The following ASB13 variants were observed in gnomAD, a reference collection of about 807,000 sequenced individuals.
ASB13 encodes ankyrin repeat and SOCS box containing 13.
A neutral mutation model predicts 28.8 loss-of-function variants in ASB13; 33 were observed. The observed-to-expected ratio is 1.15, with a 90% CI of 0.87 to 1.53. ASB13 has a LOEUF of 1.53. ASB13 is among the 40% of genes most tolerant of loss of function. The probability of loss-of-function intolerance (pLI) is 0.00; values close to 1 mark genes in which losing one functional copy is unlikely to be tolerated. For synonymous variants in ASB13, 182 were observed against 172.9 expected (o/e 1.05, Z -0.41); for missense variants, 414 against 390.1 (o/e 1.06, Z -0.52).
At position 5,660,994 on chromosome 10, in the gene ASB13, T is replaced by C. The variant is rs748201065; in HGVS notation, c.43+5515A>G. 1.3e-5 allele frequency among the ~76,000 whole-genome samples: 2 copies of C among 152,240 alleles called. No individual in the cohort carries two copies. The highest frequency in any genetic ancestry group is 2.9e-5 in the Non-Finnish European group (2 of 68,036). On this transcript the variant is annotated intron_variant, in intron 1 of 5. Coordinates refer to ENST00000357700, the MANE Select transcript of ASB13 (RefSeq NM_024701.4). This position sits in a 1 kb window ranked among gnomAD's most constrained non-coding sequence, Gnocchi z 6.1. ...TGAAAGCAGCCAGGATGTGAGTATT[T>C]AGACCAGGGAAAGCAGCAAAGCAGA...
rs569464929 is a variant in ASB13, at chr10:5,663,434, T to C, written c.43+3075A>G. 1.3e-5 allele frequency among the ~76,000 whole-genome samples: 2 copies of C among 152,270 alleles called. No individual in the cohort carries two copies. Among genetic ancestry groups the C allele is most frequent in the East Asian group, 3.9e-4 (2 of 5,168 alleles). ...TTATCTGCTACCCCGACTCCTCCCT[T>C]GCCCCTGGTCCACCCCAAAGGCTAT... On this transcript the variant is annotated intron_variant, in intron 1 of 5. Coordinates refer to ENST00000357700, the MANE Select transcript of ASB13 (RefSeq NM_024701.4). This position sits in a 1 kb window ranked among gnomAD's most constrained non-coding sequence, Gnocchi z 4.9.
In ASB13 at chr10:5,642,794, G is replaced by A. The variant is rs1368443774; in HGVS notation, c.518-833C>T. ...CCCGAGTTGCTGGGATGACAGGTGTGCCACCATGCCCGGCTAATTTTTCTA... is the reference window on the plus strand; with the variant it reads ...CCCGAGTTGCTGGGATGACAGGTGTACCACCATGCCCGGCTAATTTTTCTA... On this transcript the variant is annotated intron_variant, in intron 4 of 5. Coordinates refer to ENST00000357700, the MANE Select transcript of ASB13 (RefSeq NM_024701.4). The surrounding 1 kb of genome is among the most constrained non-coding windows in gnomAD (Gnocchi z 4.1). Among the ~76,000 whole-genome samples the A allele has an allele frequency of 6.6e-6, 1 of 152,000 alleles. No individual in the cohort carries two copies. The highest frequency in any genetic ancestry group is 1.5e-5 in the Non-Finnish European group (1 of 68,000).
chr10:5,643,049 T>A (rs182227319), intron 4 of ASB13, among the ~76,000 whole-genome samples: 142 of 152,350 alleles, frequency 9.3e-4, no homozygotes, highest in African/African-American at 3.2e-3. Context: ...AATGCCATTT[T>A]ATTCGAAGTC....
At position 5,639,033 on chromosome 10, in the gene ASB13, A is replaced by G. The variant is rs2131437705; in HGVS notation, c.*1670T>C. 6.5e-6 allele frequency: 1 copy of G among 152,778 alleles called. No homozygotes were observed. The allele number at this position is 152,778 out of a possible 1,614,324, so 9.5% of individuals were successfully genotyped here. ...TTTTTTAATGGTTGTTATTCCATGCAGAAACACTGACTGATCCAGAACTGG... is the reference window on the plus strand; with the variant it reads ...TTTTTTAATGGTTGTTATTCCATGCGGAAACACTGACTGATCCAGAACTGG... On this transcript the variant is annotated 3_prime_UTR_variant, in exon 6 of 6. Transcript: ENST00000357700.
chr10:5,661,861 G>A lies in ASB13; in HGVS notation c.43+4648C>T, dbSNP rs1182137706. On this transcript the variant is annotated intron_variant, in intron 1 of 5. Coordinates refer to ENST00000357700, the MANE Select transcript of ASB13 (RefSeq NM_024701.4). This position sits in a 1 kb window ranked among gnomAD's most constrained non-coding sequence, Gnocchi z 4.9. ...TGTTCCGAGTAAATCACCAAGGGGA[G>A]TCTGGGGTCCTGGCTGCAGAAATGT... is the stretch of plus-strand genomic sequence containing the variant. Among the ~76,000 whole-genome samples the A allele has an allele frequency of 6.6e-6, 1 of 152,188 alleles. No individual in the cohort carries two copies. The highest frequency in any genetic ancestry group is 1.5e-5 in the Non-Finnish European group (1 of 68,040).
Position 5,658,919 on chromosome 10 carries a change from C to T in ASB13, c.44-5869G>A, listed in dbSNP as rs1177712963. Among the ~76,000 whole-genome samples, 1 of 152,090 alleles carries T rather than the reference C, an allele frequency of 6.6e-6. No individual in the cohort carries two copies. Among genetic ancestry groups the T allele is most frequent in the African/African-American group, 2.4e-5 (1 of 41,396 alleles). The stretch of plus-strand genomic sequence containing the variant: ...CACCCCCAAACCACCGATGGCCCTT[C>T]CAGGGGGCGAAGAGACCCACTCTCT... On this transcript the variant is annotated intron_variant, in intron 1 of 5. Coordinates refer to ENST00000357700, the MANE Select transcript of ASB13 (RefSeq NM_024701.4). This position sits in a 1 kb window ranked among gnomAD's most constrained non-coding sequence, Gnocchi z 4.2.
Position 5,666,591 on chromosome 10 carries a change from G to C in ASB13, c.-40C>G. 1 of 1,102,344 alleles carries C rather than the reference G, an allele frequency of 9.1e-7. No individual in the cohort carries two copies. The highest frequency in any genetic ancestry group is 1.1e-6 in the Non-Finnish European group (1 of 905,638). The allele number at this position is 1,102,344 out of a possible 1,614,324, so 68.3% of individuals were successfully genotyped here. On this transcript the variant is annotated 5_prime_UTR_variant, in exon 1 of 6. Transcript: ENST00000357700. ...GCCGCGCGGCGACTCTGGGCGCCGGGACCTGGGCCGGGCCGCGCGGGGCCG... is the reference window on the plus strand; with the variant it reads ...GCCGCGCGGCGACTCTGGGCGCCGGCACCTGGGCCGGGCCGCGCGGGGCCG...
In ASB13 at chr10:5,656,272, G is replaced by T. The variant is rs909589378; in HGVS notation, c.44-3222C>A. Among the ~76,000 whole-genome samples the T allele has an allele frequency of 6.6e-6, 1 of 152,230 alleles. No individual in the cohort carries two copies. Reference sequence around the variant, plus strand: ...TTATAAAGTCTGACTGGTCAAGGTGGTTCAAGCCTGTAATCCCAGCACTTT... The same window carrying T: ...TTATAAAGTCTGACTGGTCAAGGTGTTTCAAGCCTGTAATCCCAGCACTTT... On this transcript the variant is annotated intron_variant, in intron 1 of 5. Transcript: ENST00000357700. The surrounding 1 kb of genome is among the most constrained non-coding windows in gnomAD (Gnocchi z 4.3).
chr10:5,652,214 A>G lies in ASB13; in HGVS notation c.231+649T>C, dbSNP rs1835000103. On this transcript the variant is annotated intron_variant, in intron 2 of 5. Transcript: ENST00000357700. This position sits in a 1 kb window ranked among gnomAD's most constrained non-coding sequence, Gnocchi z 5.0. ...CAAATTCTATTTGGGTACACACTGA[A>G]ATCGGTTCCATTCCAACCTTTTGGG... Among the ~76,000 whole-genome samples the G allele has an allele frequency of 6.6e-6, 1 of 152,084 alleles. No homozygotes were observed. The highest frequency in any genetic ancestry group is 2.1e-4 in the South Asian group (1 of 4,832).
intron 4 of ASB13, among the ~76,000 whole-genome samples, chr10:5,648,624 A>C (rs1834930082): frequency 6.6e-6 from 1 of 150,404 alleles, no homozygotes; most frequent in Admixed American, 6.6e-5. Flanking sequence ...GGGGGTAAAC[A>C]ACCACGCAGG....
intron 4 of ASB13, 22 bp downstream of exon 4, chr10:5,648,948 G>C: frequency 6.2e-7 from 1 of 1,607,150 alleles, no homozygotes; most frequent in Non-Finnish European, 8.5e-7. Context: ...GTAAACACCC[G>C]CTCGGGCAAA....
chr10:5,647,545 C>T (rs1222255245), intron 4 of ASB13, among the ~76,000 whole-genome samples: 2 of 152,202 alleles, frequency 1.3e-5, no homozygotes, highest in East Asian at 3.9e-4. Flanking sequence ...CTAAACGCTG[C>T]CAACTCCACT....
rs936660402 is a variant in ASB13, at chr10:5,660,094, C to T, written c.43+6415G>A. ...TTCAGGTCAGGGTCACGGTGTTACA[C>T]ACTATGGCTCCTCCTGTTTACCTGC... On this transcript the variant is annotated intron_variant, in intron 1 of 5. Transcript: ENST00000357700. The surrounding 1 kb of genome is among the most constrained non-coding windows in gnomAD (Gnocchi z 6.1). Among the ~76,000 whole-genome samples, 1 of 152,208 alleles carries T rather than the reference C, an allele frequency of 6.6e-6. No individual in the cohort carries two copies. Among genetic ancestry groups the T allele is most frequent in the African/African-American group, 2.4e-5 (1 of 41,454 alleles).
In ASB13 at chr10:5,663,154, A is replaced by C. The variant is rs1314566643; in HGVS notation, c.43+3355T>G. On this transcript the variant is annotated intron_variant, in intron 1 of 5. Coordinates refer to ENST00000357700, the MANE Select transcript of ASB13 (RefSeq NM_024701.4). The surrounding 1 kb of genome is among the most constrained non-coding windows in gnomAD (Gnocchi z 4.9). Reference sequence around the variant, plus strand: ...AAAATGCCAGTATTTGCCTTCTTAGAGGGACAAAATGGTCAAAACTCAGTA... The same window carrying C: ...AAAATGCCAGTATTTGCCTTCTTAGCGGGACAAAATGGTCAAAACTCAGTA... Among the ~76,000 whole-genome samples, 1 of 152,200 alleles carries C rather than the reference A, an allele frequency of 6.6e-6. No individual in the cohort carries two copies. Among genetic ancestry groups the C allele is most frequent in the Admixed American group, 6.5e-5 (1 of 15,272 alleles).
intron 1 of ASB13, among the ~76,000 whole-genome samples, chr10:5,654,750 T>C (rs527758965): frequency 2.0e-5 from 3 of 152,188 alleles, no homozygotes; most frequent in South Asian, 4.1e-4. Flanking sequence ...TATTCTGACA[T>C]GTCCCTGAAA....
intron 1 of ASB13, 77 bp downstream of exon 1, chr10:5,666,432 C>G (rs1234306409): frequency 1.7e-6 from 2 of 1,199,608 alleles, no homozygotes; most frequent in African/African-American, 3.2e-5. Context: ...CTCCCCGGCG[C>G]AGGCCATCGG....
At chr10:5,646,896 C>T (rs1326931646) in intron 4 of ASB13, among the ~76,000 whole-genome samples, 1 of 152,166 alleles carries the variant, frequency 6.6e-6, no homozygotes, top group East Asian at 1.9e-4. Flanking sequence ...AGAGGAACGG[C>T]TCGGCTGGAA....
In ASB13 at chr10:5,644,545, C is replaced by T. The variant is rs758590421; in HGVS notation, c.518-2584G>A. ...CGTTAGAGGAAAACAGGGCCAGACA[C>T]GGTGGCTCATGCCTGTAATCCCAGC... On this transcript the variant is annotated intron_variant, in intron 4 of 5. Transcript: ENST00000357700. This position sits in a 1 kb window ranked among gnomAD's most constrained non-coding sequence, Gnocchi z 5.1. Among the ~76,000 whole-genome samples, 4 of 151,272 alleles carry T rather than the reference C, an allele frequency of 2.6e-5. No homozygotes were observed. Among genetic ancestry groups the T allele is most frequent in the African/African-American group, 4.9e-5 (2 of 41,098 alleles).
At position 5,649,670 on chromosome 10, in the gene ASB13, C is replaced by A. The variant is rs985080372; in HGVS notation, c.383-566G>T. 6.6e-6 allele frequency among the ~76,000 whole-genome samples: 1 copy of A among 152,042 alleles called. No individual in the cohort carries two copies. Among genetic ancestry groups the A allele is most frequent in the East Asian group, 1.9e-4 (1 of 5,176 alleles). On this transcript the variant is annotated intron_variant, in intron 3 of 5. Coordinates refer to ENST00000357700, the MANE Select transcript of ASB13 (RefSeq NM_024701.4). This position sits in a 1 kb window ranked among gnomAD's most constrained non-coding sequence, Gnocchi z 6.4. ...CCTCCCAAATAGCTGGAATTACAGG[C>A]ATGCACCACCGTGCCCGACTAATTT...
Sources: gnomAD v4.1 joint callset for allele counts (sites outside exome capture counted in the v4.1 genomes callset) on GRCh38, gnomAD v4.1.1 for gene constraint, Gnocchi (gnomAD v3.1) non-coding constraint, MANE v1.5 for transcripts, NCBI Gene and HGNC (gene_info 2026-07-23, HGNC 2026-07-21) for gene names.